CLIP1: variants seen among roughly 807,000 people sequenced by gnomAD.
CLIP1 encodes the protein CAP-Gly domain containing linker protein 1.
In CLIP1, 66 loss-of-function variants were observed where a neutral mutation model predicts 161.6. The observed-to-expected ratio is 0.41, with a 90% CI of 0.33 to 0.50. The LOEUF (loss-of-function observed/expected upper bound fraction) is 0.50, where lower values mean the gene tolerates loss of function less well. Ranked by LOEUF, CLIP1 falls within the 20% of genes least tolerant of loss-of-function variation. The pLI, the probability that CLIP1 is intolerant of heterozygous loss-of-function variation, is 0.27. For synonymous variants in CLIP1, 598 were observed against 626.2 expected, an observed-to-expected ratio of 0.96 and a Z score of 0.67; for missense variants, 1,376 against 1,702.0, an observed-to-expected ratio of 0.81 and a Z score of 3.37.
chr12:122,325,936 A>G (rs1201170671), intron 17 of CLIP1, among the ~76,000 whole-genome samples: 1 of 152,196 alleles, frequency 6.6e-6, no homozygotes, highest in Non-Finnish European at 1.5e-5. Context: ...TACAGGCGTG[A>G]GCCACCAGAA....
At chr12:122,314,975 T>C (rs1021356103) in intron 19 of CLIP1, among the ~76,000 whole-genome samples, 17 of 152,324 alleles carry the variant, frequency 1.1e-4, no homozygotes, top group Non-Finnish European at 1.3e-4. Flanking sequence ...GTTGGAACTG[T>C]TTAAACATAA....
At chr12:122,276,382 C>CAACACACACACA in intron 24 of CLIP1, 1 of 1,160,594 alleles carries the variant, frequency 8.6e-7, no homozygotes, top group Non-Finnish European at 1.1e-6. Flanking sequence ...TAGTGGGAAA[C>CAACACACACACA]CACACACACA....
chr12:122,294,345 A>AC (rs1950386340), intron 20 of CLIP1, among the ~76,000 whole-genome samples: 2 of 93,734 alleles, frequency 2.1e-5, no homozygotes, highest in African/African-American at 6.5e-5. Context: ...AAAAAAAAAC[A>AC]AAAAAAAAAA....
At chr12:122,396,913 G>A (rs770258848) in intron 1 of CLIP1, among the ~76,000 whole-genome samples, 2 of 145,286 alleles carry the variant, frequency 1.4e-5, no homozygotes, top group Non-Finnish European at 3.0e-5. Flanking sequence ...ACTACAGGCA[G>A]ACACCACCAC....
Position 122,405,318 on chromosome 12 carries a change from C to T in CLIP1, c.-107+17203G>A, listed in dbSNP as rs149376009. ...AAAAAGTCAGAAGGATTCCAGGAGC[C>T]GTAACTCTAGGTTTTTTTTAGTCTT... On this transcript the variant is annotated intron_variant, in intron 1 of 25. Coordinates refer to ENST00000620786, the MANE Select transcript of CLIP1 (RefSeq NM_001247997.2). Among the ~76,000 whole-genome samples the T allele has an allele frequency of 2.9e-3, 441 of 152,268 alleles. 2 individuals are homozygous for T. The highest frequency in any genetic ancestry group is 0.01 in the African/African-American group (422 of 41,544).
At chr12:122,278,428 C>A (rs1955519385) in intron 23 of CLIP1, 2 of 573,928 alleles carry the variant, frequency 3.5e-6, no homozygotes, top group Non-Finnish European at 6.1e-6. Context: ...CTCCCTCAGG[C>A]CTGCTAACTC....
At position 122,299,619 on chromosome 12, in the gene CLIP1, A is replaced by AC. The variant is rs1368091835; in HGVS notation, c.3594+10142_3594+10143insG. ...TTTAAAGAATAAATTCAGCAAAAAA[A>AC]AAAAAAAAAAAAAGATGCCGGGCGC... On this transcript the variant is annotated intron_variant, in intron 20 of 25. Transcript: ENST00000620786. Among the ~76,000 whole-genome samples the AC allele has an allele frequency of 5.3e-3, 792 of 148,130 alleles. 43 individuals carry two copies. Among genetic ancestry groups the AC allele is most frequent in the African/African-American group, 0.019 (750 of 39,640 alleles).
At chr12:122,404,241 A>G (rs1432061145) in intron 1 of CLIP1, among the ~76,000 whole-genome samples, 1 of 152,226 alleles carries the variant, frequency 6.6e-6, no homozygotes, top group Non-Finnish European at 1.5e-5. Flanking sequence ...TTCACTGGAC[A>G]GAATATAAAG....
intron 18 of CLIP1, among the ~76,000 whole-genome samples, chr12:122,318,974 G>A (rs985514544): frequency 1.7e-4 from 26 of 152,204 alleles, no homozygotes; most frequent in Non-Finnish European, 3.7e-4. Flanking sequence ...CAGGCCATCA[G>A]TACCTCCTCT....
chr12:122,398,261 CAA>C (rs11324468), intron 1 of CLIP1, among the ~76,000 whole-genome samples: 109 of 103,290 alleles, frequency 1.1e-3, no homozygotes, highest in Middle Eastern at 5.2e-3. Flanking sequence ...ACTGAAAATA[CAA>C]AAAAAAAAAA....
intron 4 of CLIP1, among the ~76,000 whole-genome samples, chr12:122,361,587 T>G (rs1352783679): frequency 6.6e-6 from 1 of 151,872 alleles, no homozygotes; most frequent in Non-Finnish European, 1.5e-5. Flanking sequence ...ACATGAAGAG[T>G]TGGACGTGGT....
chr12:122,341,620 C>T lies in CLIP1; in HGVS notation c.1584G>A (p.Glu528=), dbSNP rs1012699618. The change falls in exon 11 of 26, where the codon GAG becomes GAA. Residue 528 remains glutamate, a synonymous_variant. Transcript: ENST00000620786. ...TATTGGACTCTAGCCTTCTTCGGAG[C>T]TCAGCTACTTCCTGTACTCTCAATG... ...DLALRVQEVA[E]LRRRLESNKP... 8.1e-6 allele frequency: 13 copies of T among 1,613,196 alleles called. No homozygotes were observed. The Admixed American group carries it at 8.3e-5, about 10-fold the overall frequency.
At chr12:122,353,161 T>A (rs1953132268) in intron 7 of CLIP1, among the ~76,000 whole-genome samples, 1 of 152,110 alleles carries the variant, frequency 6.6e-6, no homozygotes, top group South Asian at 2.1e-4. Flanking sequence ...CTGAGCAACA[T>A]GACGAGACCT....
At chr12:122,292,420 G>A (rs900280163) in intron 20 of CLIP1, among the ~76,000 whole-genome samples, 10 of 152,120 alleles carry the variant, frequency 6.6e-5, no homozygotes, top group Non-Finnish European at 1.0e-4. Flanking sequence ...GTCAGTGGGA[G>A]CTTCTTCAAG....
At chr12:122,375,525 C>T (rs1373926599) in intron 3 of CLIP1, among the ~76,000 whole-genome samples, 1 of 152,076 alleles carries the variant, frequency 6.6e-6, no homozygotes, top group Non-Finnish European at 1.5e-5. Context: ...CCATGTTGAC[C>T]AGGCTGGTCT....
At position 122,341,372 on chromosome 12, in the gene CLIP1, T is replaced by C. The variant is rs1416272160; in HGVS notation, c.1832A>G (p.His611Arg). The C allele has an allele frequency of 6.2e-7, 1 of 1,614,210 alleles. No individual in the cohort carries two copies. Reference protein sequence around the residue: ...ENESLKSKLEHANKENSDVIA... With the variant: ...ENESLKSKLERANKENSDVIA... ...CACATCTGAGTTCTCTTTGTTGGCATGCTCCAGCTTGCTTTTCAATGACTC... is the reference window on the plus strand; with the variant it reads ...CACATCTGAGTTCTCTTTGTTGGCACGCTCCAGCTTGCTTTTCAATGACTC... Residue 611 changes from histidine (H) to arginine (R), a missense_variant, in exon 11 of 26, where the codon CAT (histidine) becomes CGT (arginine). By Grantham distance (29) the His-to-Arg change is conservative (BLOSUM62 0). This residue lies in a region of CLIP1 where 948 missense variants were observed against 1,134.8 expected (regional missense o/e 0.84). Coordinates refer to ENST00000620786, the MANE Select transcript of CLIP1 (RefSeq NM_001247997.2).
rs397802756 is a variant in CLIP1, at chr12:122,358,467, A to AC, written c.1005+2491dup. On this transcript the variant is annotated intron_variant, in intron 5 of 25. Coordinates refer to ENST00000620786, the MANE Select transcript of CLIP1 (RefSeq NM_001247997.2). ...AAAAAAAAGAAAAAAGAAAAAAAAA[A>AC]CCACTTGTTGAAATATTGAGTTAGA... is the stretch of plus-strand genomic sequence containing the variant. Among the ~76,000 whole-genome samples, 7 of 149,414 alleles carry AC rather than the reference A, an allele frequency of 4.7e-5. No individual in the cohort carries two copies. The East Asian group carries it at 9.9e-4, about 21-fold the overall frequency.
At chr12:122,340,053 AGAG>A (rs1593108385) in intron 11 of CLIP1, among the ~76,000 whole-genome samples, 1 of 151,968 alleles carries the variant, frequency 6.6e-6, no homozygotes, top group Admixed American at 6.6e-5. Flanking sequence ...TGTGGTTAGA[AGAG>A]GAGGAGATGA....
intron 18 of CLIP1, 85 bp from the exon 19 acceptor site, chr12:122,316,940 C>A: frequency 6.1e-6 from 5 of 813,904 alleles, no homozygotes; most frequent in South Asian, 2.0e-5. Context: ...AAAATGTGTA[C>A]TGAAAAGACA....
Sources: gnomAD v4.1 joint callset for allele counts (sites outside exome capture counted in the v4.1 genomes callset) on GRCh38, gnomAD v4.1.1 for gene constraint, gnomAD v4.1.1 regional missense constraint, MANE v1.5 for transcripts, NCBI Gene and HGNC (gene_info 2026-07-23, HGNC 2026-07-21) for gene names.